Variants in ZNF415 observed in about 807,000 individuals in gnomAD.
ZNF415 encodes the protein zinc finger protein 415.
In ZNF415, 5 loss-of-function variants were observed where a neutral mutation model predicts 7.3. That is an observed-to-expected ratio of 0.69 (90% confidence interval 0.36 to 1.44). ZNF415 has a LOEUF of 1.44. ZNF415 is among the 40% of genes most tolerant of loss of function. The probability of loss-of-function intolerance (pLI) is 0.04; values close to 1 mark genes in which losing one functional copy is unlikely to be tolerated. For missense variants in ZNF415, 628 were observed against 664.8 expected (o/e 0.94, Z 0.61); for synonymous variants, 207 against 226.3 (o/e 0.91, Z 0.77).
chr19:53,113,180 A>C (rs1461202168), intron 3 of ZNF415, among the ~76,000 whole-genome samples: 1 of 152,090 alleles, frequency 6.6e-6, no homozygotes, highest in Non-Finnish European at 1.5e-5. Flanking sequence ...AGATGAAACT[A>C]GTAGTGGCTT....
chr19:53,118,957 G>T (rs147678951), intron 2 of ZNF415, among the ~76,000 whole-genome samples: 3,153 of 151,260 alleles, frequency 0.021, 107 homozygotes, highest in African/African-American at 0.072. Context: ...CCACCCTGGC[G>T]AAGATGGTAA....
chr19:53,119,618 T>C (rs187921734), intron 2 of ZNF415, among the ~76,000 whole-genome samples: 1 of 151,426 alleles, frequency 6.6e-6, no homozygotes, highest in East Asian at 1.9e-4. Flanking sequence ...ATCAACAAAA[T>C]GAAATGTTGG....
intron 3 of ZNF415, chr19:53,115,896 G>A (rs1206351054): frequency 9.3e-7 from 1 of 1,077,016 alleles, no homozygotes; most frequent in Non-Finnish European, 1.4e-6. Context: ...CCTTTGCTTG[G>A]ATAAGAAGAG....
intron 2 of ZNF415, among the ~76,000 whole-genome samples, chr19:53,117,335 G>C (rs1384249033): frequency 6.6e-6 from 1 of 151,980 alleles, no homozygotes; most frequent in Non-Finnish European, 1.5e-5. Context: ...CAGCTACTCG[G>C]GAGGCTGAGG....
At chr19:53,116,485 C>A (rs1043406149) in intron 2 of ZNF415, 52 bp from the exon 3 acceptor site, 38 of 1,608,702 alleles carry the variant, frequency 2.4e-5, no homozygotes, top group Non-Finnish European at 3.2e-5. Context: ...AAGGGAGTTA[C>A]CATCTTCACA....
intron 3 of ZNF415, among the ~76,000 whole-genome samples, chr19:53,113,262 A>T (rs1182356000): frequency 1.0e-5 from 1 of 96,724 alleles, no homozygotes; most frequent in Admixed American, 1.3e-4. Context: ...TAATCCCAGC[A>T]CTTTGGGAGG....
At chr19:53,125,160 C>T (rs919335317) in intron 1 of ZNF415, among the ~76,000 whole-genome samples, 6 of 152,012 alleles carry the variant, frequency 3.9e-5, no homozygotes, top group Non-Finnish European at 8.8e-5. Flanking sequence ...TCTCCTCCCT[C>T]AGCCTCCCGA....
At chr19:53,117,390 G>A (rs374669493) in intron 2 of ZNF415, among the ~76,000 whole-genome samples, 7 of 149,596 alleles carry the variant, frequency 4.7e-5, no homozygotes, top group African/African-American at 1.5e-4. Context: ...GCGGTGAGCC[G>A]AGATCACACC....
At position 53,108,433 on chromosome 19, in the gene ZNF415, T is replaced by C. The variant is rs1371142816; in HGVS notation, c.1612A>G (p.Asn538Asp). 1 of 1,614,158 alleles carries C rather than the reference T, an allele frequency of 6.2e-7. No individual in the cohort carries two copies. The change falls in exon 4 of 4, where the codon AAC becomes GAC. Residue 538 changes from asparagine (N) to aspartate (D), a missense_variant. Transcript: ENST00000243643. Reference protein sequence around the residue: ...DCGKSFSVRPNLFRHQIIHTK... With the variant: ...DCGKSFSVRPDLFRHQIIHTK... ...TGGATAATTTGATGTCTGAAGAGGT[T>C]TGGGCGCACACTAAAGGACTTCCCA...
At chr19:53,126,484 T>C (rs2089135269) in intron 1 of ZNF415, among the ~76,000 whole-genome samples, 1 of 142,462 alleles carries the variant, frequency 7.0e-6, no homozygotes, top group African/African-American at 2.5e-5. Flanking sequence ...GATCCTTGGG[T>C]CTTGCGTGGG....
At chr19:53,130,013 C>T (rs1156600568) in intron 1 of ZNF415, among the ~76,000 whole-genome samples, 4 of 150,212 alleles carry the variant, frequency 2.7e-5, no homozygotes, top group South Asian at 2.1e-4. Context: ...TGCAGTGAGC[C>T]GAGATTGCAC....
chr19:53,125,810 C>T (rs1244481143), intron 1 of ZNF415, among the ~76,000 whole-genome samples: 14 of 151,848 alleles, frequency 9.2e-5, no homozygotes, highest in African/African-American at 2.7e-4. Flanking sequence ...TGGTGGCACG[C>T]GCCTGTAGTC....
Position 53,108,262 on chromosome 19 carries a change from G to T in ZNF415, c.*115C>A. 1 of 942,472 alleles carries T rather than the reference G, an allele frequency of 1.1e-6. No homozygotes were observed. Among genetic ancestry groups the T allele is most frequent in the Non-Finnish European group, 1.6e-6 (1 of 641,796 alleles). 58.4% of individuals were successfully genotyped at this position (942,472 alleles called of 1,614,324 possible). On this transcript the variant is annotated 3_prime_UTR_variant, in exon 4 of 4. Transcript: ENST00000243643. ...GAATGAAATTCTCTGATGCTGTGTA[G>T]GAGTGAATTGTGACTGAAAACCTTG...
intron 1 of ZNF415, among the ~76,000 whole-genome samples, chr19:53,130,022 A>G (rs1661928): frequency 0.9 from 133,869 of 149,358 alleles, 60,122 homozygotes; most frequent in African/African-American, 0.93. Context: ...CCGAGATTGC[A>G]CCACTGTACT....
intron 2 of ZNF415, among the ~76,000 whole-genome samples, 167 bp from the exon 3 acceptor site, chr19:53,116,600 G>GT (rs1027660151): frequency 7.7e-6 from 1 of 129,988 alleles, no homozygotes; most frequent in African/African-American, 3.0e-5. Context: ...CCTAATTGTG[G>GT]TTTTTTTTCT....
chr19:53,128,919 A>C (rs1319318271), intron 1 of ZNF415, among the ~76,000 whole-genome samples: 4 of 57,970 alleles, frequency 6.9e-5, no homozygotes, highest in Non-Finnish European at 1.9e-4. Context: ...TGTGTCCTCC[A>C]ATGGAGGGAG....
At chr19:53,124,079 A>G (rs1365258796) in intron 1 of ZNF415, 2 of 152,178 alleles carry the variant, frequency 1.3e-5, no homozygotes, top group African/African-American at 4.8e-5. Context: ...CTCTACTAAA[A>G]ATACAAAAAA....
Position 53,108,645 on chromosome 19 carries a change from G to A in ZNF415, c.1400C>T (p.Pro467Leu), listed in dbSNP as rs546586234. 4.7e-5 allele frequency: 76 copies of A among 1,614,168 alleles called. No homozygotes were observed. The South Asian group carries it at 7.7e-4, about 16-fold the overall frequency. Residue 467 changes from proline to leucine, a missense_variant, in exon 4 of 4, where the codon CCT (proline) becomes CTT (leucine). Transcript: ENST00000243643. ...THQVIHTGEK[P>L]YKCNQCGKGF... ...TTTGCCACATTGATTACATTTGTAA[G>A]GCTTCTCTCCAGTATGGATGACCTG... is the stretch of plus-strand genomic sequence containing the variant.
intron 1 of ZNF415, chr19:53,129,491 T>C (rs2089758765): frequency 4.9e-6 from 2 of 406,994 alleles, no homozygotes; most frequent in Admixed American, 8.7e-5. Context: ...AAATTTTAAT[T>C]GCAACTGGCT....
Sources: gnomAD v4.1 joint callset for allele counts (sites outside exome capture counted in the v4.1 genomes callset) on GRCh38, gnomAD v4.1.1 for gene constraint, MANE v1.5 for transcripts, NCBI Gene and HGNC (gene_info 2026-07-23, HGNC 2026-07-21) for gene names.